Variants in RALYL observed in about 807,000 individuals in gnomAD.
RALYL encodes the protein RALY RNA binding protein like, also known as RNA-binding Raly-like protein.
RALYL carries 29 observed loss-of-function variants against 35.1 expected under a neutral mutation model. The ratio of observed to expected loss-of-function variants is 0.83; its 90% CI spans 0.61 to 1.13. The LOEUF (loss-of-function observed/expected upper bound fraction) is 1.13, where lower values mean the gene tolerates loss of function less well. RALYL is among the 50% of genes most tolerant of loss of function. The pLI is 0.00. For synonymous variants in RALYL, 120 were observed against 127.6 expected (o/e 0.94, Z 0.40); for missense variants, 359 against 360.4 (o/e 1.00, Z 0.03).
intron 1 of RALYL, among the ~76,000 whole-genome samples, chr8:84,438,835 A>G (rs2132893804): frequency 6.6e-6 from 1 of 152,274 alleles, no homozygotes; most frequent in African/African-American, 2.4e-5. Flanking sequence ...TTGATTGAAA[A>G]TGAAGTTCTT....
At chr8:84,230,433 AC>A (rs938354308) in intron 1 of RALYL, among the ~76,000 whole-genome samples, 8 of 152,120 alleles carry the variant, frequency 5.3e-5, no homozygotes, top group Non-Finnish European at 1.0e-4. Flanking sequence ...ATTAAACAGA[AC>A]TTTCTGGAAA....
chr8:84,763,654 C>A (rs1813212033), intron 2 of RALYL, among the ~76,000 whole-genome samples: 1 of 152,154 alleles, frequency 6.6e-6, no homozygotes, highest in Admixed American at 6.6e-5. Flanking sequence ...ATAAAATATA[C>A]CTCCTTCATT....
At chr8:84,241,782 A>G (rs1462100467) in intron 1 of RALYL, among the ~76,000 whole-genome samples, 3 of 151,846 alleles carry the variant, frequency 2.0e-5, no homozygotes, top group Admixed American at 6.6e-5. Context: ...TGTCTCAAAA[A>G]AAAAAAAAAA....
chr8:84,282,595 T>C (rs1563664289), intron 1 of RALYL, among the ~76,000 whole-genome samples: 1 of 152,058 alleles, frequency 6.6e-6, no homozygotes, highest in Non-Finnish European at 1.5e-5. Context: ...TGCAAGGTCC[T>C]GTTTATTCAT....
chr8:84,386,717 A>G (rs16912776), intron 1 of RALYL, among the ~76,000 whole-genome samples: 4 of 151,796 alleles, frequency 2.6e-5, no homozygotes, highest in Non-Finnish European at 5.9e-5. Flanking sequence ...TCCATTGACT[A>G]CATATCATCT....
intron 8 of RALYL, 90 bp downstream of exon 8, chr8:84,887,866 T>C: frequency 8.2e-7 from 1 of 1,224,614 alleles, no homozygotes; most frequent in Non-Finnish European, 1.2e-6. Context: ...GATTAAATCA[T>C]TTGGGGCTTA....
chr8:84,887,766 G>T lies in RALYL; in HGVS notation c.848G>T (p.Gly283Val), dbSNP rs190176889. 2.5e-6 allele frequency: 4 copies of T among 1,612,162 alleles called. No individual in the cohort carries two copies. In the Admixed American group the frequency reaches 5.0e-5, roughly 20 times the overall value. Residue 283 changes from glycine to valine, a missense_variant, in exon 8 of 9, where the codon GGT becomes GTT. Physicochemically the swap from Gly to Val is moderately radical, Grantham distance 109. Coordinates refer to ENST00000521268, the MANE Select transcript of RALYL (RefSeq NM_173848.7). ...GAGGAGGACTTCGATGAAGATGGGG[G>T]TCATGAGCTGGTAGGAAAGAAACAT... ...GIEEDFDEDG[G>V]HELFLQIK
At chr8:84,508,778 T>G (rs1465390553) in intron 1 of RALYL, among the ~76,000 whole-genome samples, 2 of 152,060 alleles carry the variant, frequency 1.3e-5, no homozygotes, top group African/African-American at 4.8e-5. Context: ...ACATTTTGCC[T>G]TAGATTATGA....
chr8:84,507,737 A>G (rs1234302927), intron 1 of RALYL, among the ~76,000 whole-genome samples: 1 of 152,150 alleles, frequency 6.6e-6, no homozygotes, highest in Non-Finnish European at 1.5e-5. Flanking sequence ...AGAGGTTTGC[A>G]CTAGCCAATG....
intron 1 of RALYL, among the ~76,000 whole-genome samples, chr8:84,249,456 A>G (rs1401983478): frequency 6.6e-6 from 1 of 152,140 alleles, no homozygotes; most frequent in Non-Finnish European, 1.5e-5. Flanking sequence ...ATAGTCCAGC[A>G]ACTTATATCC....
intron 7 of RALYL, among the ~76,000 whole-genome samples, chr8:84,885,101 C>A (rs1456843079): frequency 1.3e-5 from 2 of 152,030 alleles, no homozygotes; most frequent in Non-Finnish European, 2.9e-5. Flanking sequence ...ATCATTTTCT[C>A]AGTGGAGCCT....
intron 4 of RALYL, among the ~76,000 whole-genome samples, chr8:84,834,288 A>G (rs918470190): frequency 1.3e-5 from 2 of 152,332 alleles, no homozygotes; most frequent in Admixed American, 1.3e-4. Context: ...TGGAACAGCT[A>G]CTACCTCTGT....
At chr8:84,873,431 T>G (rs1426895203) in intron 7 of RALYL, 34 bp downstream of exon 7, 1 of 1,287,526 alleles carries the variant, frequency 7.8e-7, no homozygotes, top group Non-Finnish European at 1.1e-6. Flanking sequence ...AGGTCAGAAT[T>G]GAACCAGTGA....
chr8:84,303,359 A>G (rs1485981876), intron 1 of RALYL, among the ~76,000 whole-genome samples: 1 of 152,212 alleles, frequency 6.6e-6, no homozygotes, highest in Non-Finnish European at 1.5e-5. Context: ...AGCATTGTAA[A>G]TACTACAAAA....
chr8:84,312,598 CATG>C (rs1843015454), intron 1 of RALYL, among the ~76,000 whole-genome samples: 1 of 152,196 alleles, frequency 6.6e-6, no homozygotes, highest in African/African-American at 2.4e-5. Flanking sequence ...ACATCCAAAA[CATG>C]GTGGGGGCAG....
intron 4 of RALYL, among the ~76,000 whole-genome samples, chr8:84,827,457 A>G (rs1331843910): frequency 3.9e-5 from 6 of 152,144 alleles, no homozygotes; most frequent in Admixed American, 3.3e-4. Context: ...ACGTGCAGAC[A>G]ATAGAAGAAT....
At chr8:84,765,633 C>T (rs1209672901) in intron 2 of RALYL, among the ~76,000 whole-genome samples, 4 of 152,036 alleles carry the variant, frequency 2.6e-5, no homozygotes, top group Admixed American at 6.6e-5. Context: ...TGGTATGGTG[C>T]TTATACTTGG....
At chr8:84,670,256 C>G (rs1299597906) in intron 2 of RALYL, among the ~76,000 whole-genome samples, 4 of 152,108 alleles carry the variant, frequency 2.6e-5, no homozygotes, top group Non-Finnish European at 5.9e-5. Flanking sequence ...GACTTCAAAG[C>G]TCTTTTGTTG....
chr8:84,765,555 T>C (rs1180991512), intron 2 of RALYL, among the ~76,000 whole-genome samples: 1 of 152,200 alleles, frequency 6.6e-6, no homozygotes, highest in Non-Finnish European at 1.5e-5. Flanking sequence ...GAATGGCTCC[T>C]GCTGTGCTTA....
Sources: gnomAD v4.1 joint callset for allele counts (sites outside exome capture counted in the v4.1 genomes callset) on GRCh38, gnomAD v4.1.1 for gene constraint, MANE v1.5 for transcripts, NCBI Gene and HGNC (gene_info 2026-07-23, HGNC 2026-07-21) for gene names.